The following MS4A4E variants were observed in gnomAD, a reference collection of about 807,000 sequenced individuals.
MS4A4E encodes membrane spanning 4-domains A4E.
MS4A4E carries 23 observed loss-of-function variants against 13.3 expected under a neutral mutation model. The ratio of observed to expected loss-of-function variants is 1.73; its 90% confidence interval spans 1.25 to 2.45. The LOEUF (loss-of-function observed/expected upper bound fraction) is 2.45. Ranked by LOEUF, MS4A4E falls within the 30% of genes most tolerant of loss-of-function variation. The pLI is 0.00. For synonymous variants in MS4A4E, 36 were observed against 45.6 expected (o/e 0.79, Z 0.85); for missense variants, 144 against 131.2 (o/e 1.10, Z -0.48).
chr11:60,208,436 C>T (rs549204546), intron 6 of MS4A4E, among the ~76,000 whole-genome samples, 157 bp downstream of exon 6: 1 of 152,324 alleles, frequency 6.6e-6, no homozygotes, highest in East Asian at 1.9e-4. Flanking sequence ...TCATAAGATC[C>T]TGAACCAAGG....
intron 5 of MS4A4E, among the ~76,000 whole-genome samples, 186 bp from the exon 6 acceptor site, chr11:60,208,880 T>C (rs146639515): frequency 1.2e-3 from 185 of 152,334 alleles, no homozygotes; most frequent in Non-Finnish European, 1.6e-3. Flanking sequence ...TTTTCACTAA[T>C]AAAATAATCA....
intron 3 of MS4A4E, among the ~76,000 whole-genome samples, chr11:60,218,353 T>C (rs1193176335): frequency 1.3e-5 from 2 of 152,160 alleles, no homozygotes; most frequent in Non-Finnish European, 2.9e-5. Context: ...CCTTGTGATA[T>C]TCTATTACCT....
At chr11:60,218,059 G>C (rs1399122031) in intron 3 of MS4A4E, among the ~76,000 whole-genome samples, 1 of 152,194 alleles carries the variant, frequency 6.6e-6, no homozygotes, top group East Asian at 1.9e-4. Context: ...CCCTGGGAAA[G>C]AGAATACGCG....
chr11:60,210,819 C>T lies in MS4A4E; in HGVS notation c.382-2125G>A, dbSNP rs7120091. 7.7e-3 allele frequency among the ~76,000 whole-genome samples: 1,178 copies of T among 152,210 alleles called. 12 individuals carry two copies. The highest frequency in any genetic ancestry group is 0.027 in the African/African-American group (1,121 of 41,532). ...AATTCCAGAAAGCTCTTATGGAAGTCCTCTGCTATTAGAACAGGCATAAAA... is the reference window on the plus strand; with the variant it reads ...AATTCCAGAAAGCTCTTATGGAAGTTCTCTGCTATTAGAACAGGCATAAAA... On this transcript the variant is annotated intron_variant, in intron 5 of 8. Transcript: ENST00000651255.
At chr11:60,237,018 G>A (rs1375176435) in intron 1 of MS4A4E, among the ~76,000 whole-genome samples, 1 of 152,148 alleles carries the variant, frequency 6.6e-6, no homozygotes, top group African/African-American at 2.4e-5. Flanking sequence ...TTATAGGCAT[G>A]AGCCACTGCG....
At chr11:60,213,565 A>C (rs2084152140) in intron 4 of MS4A4E, among the ~76,000 whole-genome samples, 1 of 152,250 alleles carries the variant, frequency 6.6e-6, no homozygotes, top group East Asian at 1.9e-4. Context: ...TAAGGTAAGG[A>C]GGCTTTTTAT....
At chr11:60,226,782 T>G (rs2084349884) in intron 3 of MS4A4E, among the ~76,000 whole-genome samples, 1 of 152,064 alleles carries the variant, frequency 6.6e-6, no homozygotes, top group African/African-American at 2.4e-5. Flanking sequence ...AAGTCATAGC[T>G]GAAATGGTAA....
At chr11:60,235,739 T>C (rs1300981155) in intron 1 of MS4A4E, among the ~76,000 whole-genome samples, 1 of 152,224 alleles carries the variant, frequency 6.6e-6, no homozygotes, top group Non-Finnish European at 1.5e-5. Context: ...CTCCCAAGTT[T>C]AACAAAATTG....
At position 60,243,044 on chromosome 11, in the gene MS4A4E, G is replaced by A; in HGVS notation, c.-103C>T. On this transcript the variant is annotated 5_prime_UTR_variant, in exon 1 of 9. Transcript: ENST00000651255. ...CTCAAAGTTCTTTGTTCCAGACACAGTCAGCTTCCCCCACTCCACACCTCA... is the reference window on the plus strand; with the variant it reads ...CTCAAAGTTCTTTGTTCCAGACACAATCAGCTTCCCCCACTCCACACCTCA... The A allele has an allele frequency of 7.6e-7, 1 of 1,309,806 alleles. No homozygotes were observed. Among genetic ancestry groups the A allele is most frequent in the East Asian group, 2.5e-5 (1 of 39,746 alleles). The allele number at this position is 1,309,806 out of a possible 1,614,324, so 81.1% of individuals were successfully genotyped here.
intron 3 of MS4A4E, chr11:60,224,949 A>C (rs1270357420): frequency 6.7e-7 from 1 of 1,493,496 alleles, no homozygotes; most frequent in Non-Finnish European, 8.9e-7. Flanking sequence ...ATTATATCAA[A>C]AAATACCCTG....
At chr11:60,214,061 C>A (rs1057081010) in intron 4 of MS4A4E, among the ~76,000 whole-genome samples, 1 of 152,036 alleles carries the variant, frequency 6.6e-6, no homozygotes, top group Non-Finnish European at 1.5e-5. Flanking sequence ...CCCGTCACCA[C>A]GCCTGGTAAT....
rs201627415 is a variant in MS4A4E, at chr11:60,208,206, T to TA, written c.483+386dup. 3.8e-3 allele frequency among the ~76,000 whole-genome samples: 583 copies of TA among 152,242 alleles called. 4 individuals carry two copies. The highest frequency in any genetic ancestry group is 0.013 in the African/African-American group (527 of 41,518). On this transcript the variant is annotated intron_variant, in intron 6 of 8. Transcript: ENST00000651255. ...GACTGATTTGTTGACTTTCAGTTTA[T>TA]AAAAAAACTCATTATTCTGGATGGA... is the stretch of plus-strand genomic sequence containing the variant.
chr11:60,223,482 T>A (rs761778647), intron 3 of MS4A4E, among the ~76,000 whole-genome samples: 5 of 152,132 alleles, frequency 3.3e-5, no homozygotes, highest in Non-Finnish European at 5.9e-5. Context: ...TGGGTTCAGG[T>A]TGACAAGGGG....
chr11:60,214,693 A>C (rs1343182148), intron 3 of MS4A4E, 79 bp from the exon 4 acceptor site: 5 of 904,088 alleles, frequency 5.5e-6, no homozygotes, highest in African/African-American at 1.7e-5. Context: ...ACAACTTAGT[A>C]AACTTTATTC....
chr11:60,237,950 G>T (rs114697178), intron 1 of MS4A4E, among the ~76,000 whole-genome samples: 1,595 of 151,828 alleles, frequency 0.011, 34 homozygotes, highest in African/African-American at 0.036. Flanking sequence ...GCTTTTTGCG[G>T]TTTTTGTCTT....
intron 8 of MS4A4E, among the ~76,000 whole-genome samples, chr11:60,204,077 AAGGCATTCTC>A (rs1332777725): frequency 6.6e-6 from 1 of 152,232 alleles, no homozygotes; most frequent in Non-Finnish European, 1.5e-5. Context: ...AAACCAACAG[AAGGCATTCTC>A]AGGCCACTTA....
At chr11:60,229,408 T>A (rs2084380104) in intron 2 of MS4A4E, among the ~76,000 whole-genome samples, 1 of 152,224 alleles carries the variant, frequency 6.6e-6, no homozygotes, top group Non-Finnish European at 1.5e-5. Flanking sequence ...TATTTAATGT[T>A]CTTTCACCTT....
intron 4 of MS4A4E, 89 bp from the exon 5 acceptor site, chr11:60,213,221 C>G (rs2084147858): frequency 7.0e-7 from 1 of 1,418,866 alleles, no homozygotes; most frequent in African/African-American, 1.4e-5. Flanking sequence ...CTACCTTTAT[C>G]TTATTTCAAT....
At chr11:60,238,163 T>A (rs1398092278) in intron 1 of MS4A4E, among the ~76,000 whole-genome samples, 1 of 151,790 alleles carries the variant, frequency 6.6e-6, no homozygotes, top group Non-Finnish European at 1.5e-5. Flanking sequence ...TTTTCTTGAT[T>A]TTGGTGTCAA....
Sources: gnomAD v4.1 joint callset for allele counts (sites outside exome capture counted in the v4.1 genomes callset) on GRCh38, gnomAD v4.1.1 for gene constraint, MANE v1.5 for transcripts, NCBI Gene and HGNC (gene_info 2026-07-23, HGNC 2026-07-21) for gene names.